CSGALNACT1: variants seen among roughly 807,000 people sequenced by gnomAD.
CSGALNACT1 encodes the protein chondroitin sulfate N-acetylgalactosaminyltransferase 1.
Under a neutral mutation model 51.0 loss-of-function variants are expected in CSGALNACT1, and 52 were observed. The ratio of observed to expected loss-of-function variants is 1.02; its 90% CI spans 0.82 to 1.29. CSGALNACT1 has a LOEUF of 1.29. CSGALNACT1 is among the 50% of genes most tolerant of loss of function. The pLI, the probability that CSGALNACT1 is intolerant of heterozygous loss-of-function variation, is 0.00. For synonymous variants in CSGALNACT1, 341 were observed against 254.4 expected (o/e 1.34, Z -3.24); for missense variants, 935 against 679.2 (o/e 1.38, Z -4.19).
intron 1 of CSGALNACT1, among the ~76,000 whole-genome samples, chr8:19,666,835 A>AGAGAGAG (rs1564383750): frequency 6.4e-5 from 2 of 31,088 alleles, no homozygotes; most frequent in African/African-American, 3.7e-4. Flanking sequence ...GAGAGAGAGA[A>AGAGAGAG]AGAAAGAAAG....
At chr8:19,664,171 T>C (rs1443388694) in intron 1 of CSGALNACT1, among the ~76,000 whole-genome samples, 1 of 152,226 alleles carries the variant, frequency 6.6e-6, no homozygotes, top group Non-Finnish European at 1.5e-5. Context: ...AGACTCACAT[T>C]TTATGTTGAA....
At chr8:19,643,625 G>A (rs1418695450) in intron 1 of CSGALNACT1, among the ~76,000 whole-genome samples, 4 of 147,062 alleles carry the variant, frequency 2.7e-5, no homozygotes, top group South Asian at 4.4e-4. Flanking sequence ...ACAAGAGAGT[G>A]AGACACCATC....
chr8:19,557,076 T>C (rs66758432), intron 3 of CSGALNACT1, among the ~76,000 whole-genome samples: 13,997 of 152,080 alleles, frequency 0.092, 663 homozygotes, highest in East Asian at 0.14. Flanking sequence ...AAATGCTTTA[T>C]TCAGGTGAAA....
At chr8:19,444,972 G>C (rs574340304) in intron 5 of CSGALNACT1, among the ~76,000 whole-genome samples, 4 of 152,276 alleles carry the variant, frequency 2.6e-5, no homozygotes, top group Admixed American at 1.3e-4. Context: ...CGCATGCAGG[G>C]CTCACTCTGG....
intron 3 of CSGALNACT1, among the ~76,000 whole-genome samples, chr8:19,566,354 C>G (rs751869008): frequency 6.6e-6 from 1 of 151,922 alleles, no homozygotes; most frequent in African/African-American, 2.4e-5. Flanking sequence ...TCAGAGGAAG[C>G]GTGGCCCTGC....
intron 1 of CSGALNACT1, among the ~76,000 whole-genome samples, chr8:19,645,619 A>G (rs1309062432): frequency 1.3e-5 from 2 of 152,260 alleles, no homozygotes; most frequent in East Asian, 3.8e-4. Flanking sequence ...TTCAAAGCGC[A>G]GCTTGCCTAC....
At chr8:19,478,706 C>G (rs1340500607) in intron 4 of CSGALNACT1, among the ~76,000 whole-genome samples, 1 of 152,022 alleles carries the variant, frequency 6.6e-6, no homozygotes, top group Non-Finnish European at 1.5e-5. Flanking sequence ...AAATAATGAC[C>G]CCCCCTTTCT....
chr8:19,412,413 G>T (rs2055992122), intron 8 of CSGALNACT1, among the ~76,000 whole-genome samples: 1 of 152,238 alleles, frequency 6.6e-6, no homozygotes, highest in Non-Finnish European at 1.5e-5. Context: ...CCGCCCTGCA[G>T]CTGCATGTGA....
intron 6 of CSGALNACT1, among the ~76,000 whole-genome samples, chr8:19,437,673 T>C (rs903959277): frequency 6.6e-6 from 1 of 152,208 alleles, no homozygotes; most frequent in African/African-American, 2.4e-5. Context: ...TATATACATA[T>C]ACAACTAATA....
chr8:19,670,142 G>A (rs1292283509), intron 1 of CSGALNACT1, among the ~76,000 whole-genome samples: 1 of 152,088 alleles, frequency 6.6e-6, no homozygotes, highest in African/African-American at 2.4e-5. Flanking sequence ...CTTTCAATCT[G>A]TAATGTGGCT....
intron 1 of CSGALNACT1, among the ~76,000 whole-genome samples, chr8:19,608,252 A>G (rs911983534): frequency 7.9e-5 from 12 of 152,220 alleles, no homozygotes; most frequent in African/African-American, 2.7e-4. Context: ...GGACACCTAT[A>G]CGGGGCAGCC....
chr8:19,457,521 G>A (rs372999742), intron 5 of CSGALNACT1: 3 of 460,372 alleles, frequency 6.5e-6, no homozygotes, highest in Middle Eastern at 7.3e-4. Context: ...GCTGAGGCAG[G>A]AGAATTACCT....
intron 1 of CSGALNACT1, among the ~76,000 whole-genome samples, chr8:19,651,757 T>G (rs939342828): frequency 6.6e-6 from 1 of 152,202 alleles, no homozygotes; most frequent in African/African-American, 2.4e-5. Context: ...TAGAATGATT[T>G]TTATTTCTTT....
Position 19,671,259 on chromosome 8 carries a change from C to G in CSGALNACT1, c.-544+11214G>C, listed in dbSNP as rs139960597. Among the ~76,000 whole-genome samples, 692 of 152,256 alleles carry G rather than the reference C, an allele frequency of 4.5e-3. 14 individuals carry two copies. Among genetic ancestry groups the G allele is most frequent in the Middle Eastern group, 0.044 (13 of 294 alleles). On this transcript the variant is annotated intron_variant, in intron 1 of 9. Coordinates refer to the CSGALNACT1 transcript ENST00000332246. ...ACCCTGAAGGTTCTAAGATGGCCCT[C>G]GACAATATTCTCTGCCTGCAACTGG...
intron 1 of CSGALNACT1, among the ~76,000 whole-genome samples, chr8:19,756,022 T>C (rs577750201): frequency 6.6e-6 from 1 of 152,322 alleles, no homozygotes; most frequent in South Asian, 2.1e-4. Context: ...TCGCCTTTTA[T>C]GCCTAAGGCT....
At chr8:19,515,931 C>T (rs1375389994) in intron 3 of CSGALNACT1, among the ~76,000 whole-genome samples, 2 of 152,122 alleles carry the variant, frequency 1.3e-5, no homozygotes, top group Non-Finnish European at 2.9e-5. Context: ...GAAGATGCTA[C>T]TCAAGCCAGG....
At chr8:19,433,990 G>A (rs1184882347) in intron 6 of CSGALNACT1, among the ~76,000 whole-genome samples, 1 of 152,162 alleles carries the variant, frequency 6.6e-6, no homozygotes, top group East Asian at 1.9e-4. Flanking sequence ...CAGCTTACCA[G>A]AGAGCTGGAG....
chr8:19,629,671 T>C (rs910135783), intron 1 of CSGALNACT1, among the ~76,000 whole-genome samples: 1 of 152,218 alleles, frequency 6.6e-6, no homozygotes, highest in Non-Finnish European at 1.5e-5. Context: ...AAATAATTAA[T>C]TATGGTTGTT....
intron 2 of CSGALNACT1, among the ~76,000 whole-genome samples, chr8:19,595,908 G>T: frequency 6.9e-6 from 1 of 145,308 alleles, no homozygotes. Flanking sequence ...CTGTCACCCA[G>T]GCTATAGTCC....
Sources: gnomAD v4.1 joint callset for allele counts (sites outside exome capture counted in the v4.1 genomes callset) on GRCh38, gnomAD v4.1.1 for gene constraint, MANE v1.5 for transcripts, NCBI Gene and HGNC (gene_info 2026-07-23, HGNC 2026-07-21) for gene names.